Variants in RBPJ observed in about 807,000 individuals in gnomAD.
RBPJ encodes the protein recombination signal binding protein for immunoglobulin kappa J region.
In RBPJ, 9 loss-of-function variants were observed where a neutral mutation model predicts 67.8. The observed-to-expected ratio is 0.13, with a 90% confidence interval of 0.08 to 0.23. RBPJ has a LOEUF of 0.23. Ranked by LOEUF, RBPJ falls within the 10% of genes least tolerant of loss-of-function variation. RBPJ has a pLI of 1.00. For synonymous variants in RBPJ, 198 were observed against 203.3 expected (o/e 0.97, Z 0.22); for missense variants, 305 against 595.6 (o/e 0.51, Z 5.08).
intron 1 of RBPJ, among the ~76,000 whole-genome samples, chr4:26,190,822 G>A (rs6817712): frequency 0.79 from 120,242 of 151,844 alleles, 48,322 homozygotes; most frequent in African/African-American, 0.92. Context: ...TTGCAGATCA[G>A]TTTCTTGAGA....
chr4:26,289,078 T>C (rs912978572), intron 1 of RBPJ, among the ~76,000 whole-genome samples: 1 of 150,774 alleles, frequency 6.6e-6, no homozygotes, highest in Non-Finnish European at 1.5e-5. Context: ...CTTGAAGCAG[T>C]TTACAAATAA....
At chr4:26,307,608 T>TA (rs1722280557) in intron 1 of RBPJ, among the ~76,000 whole-genome samples, 1 of 152,196 alleles carries the variant, frequency 6.6e-6, no homozygotes, top group Admixed American at 6.5e-5. Flanking sequence ...TGGAGAACTT[T>TA]AGGCTTGAGA....
chr4:26,306,776 G>A (rs994981088), intron 1 of RBPJ, among the ~76,000 whole-genome samples: 7 of 151,948 alleles, frequency 4.6e-5, no homozygotes, highest in Non-Finnish European at 7.4e-5. Flanking sequence ...TAATAAATGT[G>A]TCAGAAAATT....
At chr4:26,117,042 G>A in the RBPJ span, among the ~76,000 whole-genome samples, 1 of 152,196 alleles carries the variant, frequency 6.6e-6, no homozygotes, top group Non-Finnish European at 1.5e-5. Context: ...CCATTCAGAG[G>A]AAAAGTCATA....
chr4:26,317,712 T>A (rs932722483), upstream of RBPJ, among the ~76,000 whole-genome samples: 1 of 152,278 alleles, frequency 6.6e-6, no homozygotes, highest in Admixed American at 6.5e-5. Flanking sequence ...GTGGAGCCAA[T>A]AGGATTTTCC....
chr4:26,261,746 C>T (rs1720545798), intron 1 of RBPJ, among the ~76,000 whole-genome samples: 1 of 152,168 alleles, frequency 6.6e-6, no homozygotes, highest in African/African-American at 2.4e-5. Flanking sequence ...TCTATCAGGA[C>T]TAGTTATGTG....
chr4:26,250,493 G>A (rs947296489), intron 1 of RBPJ, among the ~76,000 whole-genome samples: 37 of 151,964 alleles, frequency 2.4e-4, no homozygotes, highest in Admixed American at 1.6e-3. Context: ...CACCATGCCC[G>A]GCTAATTTTT....
At chr4:26,128,043 G>A in the RBPJ span, among the ~76,000 whole-genome samples, 1 of 152,232 alleles carries the variant, frequency 6.6e-6, no homozygotes, top group African/African-American at 2.4e-5. Context: ...CCCTGCAAGA[G>A]ATGGCATGGC....
In RBPJ at chr4:26,375,615, G is replaced by A. The variant is rs1455063935; in HGVS notation, c.21-10738G>A. Among the ~76,000 whole-genome samples the A allele has an allele frequency of 1.2e-4, 19 of 152,212 alleles. 1 individual carries two copies. Among genetic ancestry groups the A allele is most frequent in the Non-Finnish European group, 2.8e-4 (19 of 68,044 alleles). ...AATTTCACTACTTAAACAATTTGAA[G>A]TGAGGGTGAGAAATAAGAGAGAAAA... On this transcript the variant is annotated intron_variant, in intron 1 of 10. Transcript: ENST00000355476.
intron 1 of RBPJ, among the ~76,000 whole-genome samples, chr4:26,352,850 C>T (rs571809786): frequency 3.8e-4 from 58 of 152,370 alleles, no homozygotes; most frequent in Non-Finnish European, 6.2e-4. Flanking sequence ...TCTGGGAGGA[C>T]ATTGCTTCTT....
intron 1 of RBPJ, among the ~76,000 whole-genome samples, chr4:26,323,153 A>G (rs1028731470): frequency 1.3e-5 from 2 of 152,024 alleles, no homozygotes; most frequent in African/African-American, 4.8e-5. Flanking sequence ...TGATTGATAC[A>G]TAAGTTTTTT....
chr4:26,125,425 T>A, the RBPJ span, among the ~76,000 whole-genome samples: 1 of 152,230 alleles, frequency 6.6e-6, no homozygotes, highest in Admixed American at 6.5e-5. Flanking sequence ...AAAGGCTGTT[T>A]AACCTTTCTT....
At chr4:26,320,753 C>T, upstream of RBPJ, 1 of 1,553,504 alleles carries the variant, frequency 6.4e-7, no homozygotes, top group Non-Finnish European at 8.7e-7. Flanking sequence ...CCGGAGCGCT[C>T]CCCATGGACC....
At chr4:26,347,322 T>G (rs1455614744) in intron 1 of RBPJ, among the ~76,000 whole-genome samples, 3 of 152,106 alleles carry the variant, frequency 2.0e-5, no homozygotes. Context: ...GGGCAATATC[T>G]CTTGGATAGA....
At chr4:26,376,942 G>C (rs920975846) in intron 1 of RBPJ, among the ~76,000 whole-genome samples, 1 of 152,140 alleles carries the variant, frequency 6.6e-6, no homozygotes, top group Non-Finnish European at 1.5e-5. Flanking sequence ...ATCTTCCTTA[G>C]AGAAATGTCT....
upstream of RBPJ, among the ~76,000 whole-genome samples, chr4:26,316,126 A>G (rs534553827): frequency 6.6e-6 from 1 of 152,048 alleles, no homozygotes; most frequent in Non-Finnish European, 1.5e-5. Context: ...TAAGACAGGC[A>G]TAAGAAATTA....
intron 1 of RBPJ, among the ~76,000 whole-genome samples, chr4:26,251,182 C>G (rs1156871020): frequency 6.6e-6 from 1 of 152,188 alleles, no homozygotes; most frequent in Non-Finnish European, 1.5e-5. Context: ...ATTATTGCAA[C>G]TGTCCCAAGT....
intron 1 of RBPJ, among the ~76,000 whole-genome samples, chr4:26,169,112 G>A (rs1403623325): frequency 1.3e-5 from 2 of 152,326 alleles, no homozygotes; most frequent in South Asian, 4.1e-4. Context: ...TGTTGCTGGT[G>A]AGGAACTGCG....
At chr4:26,249,974 C>T (rs992391507) in intron 1 of RBPJ, among the ~76,000 whole-genome samples, 6 of 150,930 alleles carry the variant, frequency 4.0e-5, no homozygotes, top group East Asian at 4.0e-4. Flanking sequence ...TTAGTAGAGA[C>T]GGGGTTTCTC....
Sources: allele counts gnomAD v4.1 joint callset (sites outside exome capture counted in the v4.1 genomes callset), GRCh38; gene constraint gnomAD v4.1.1; transcripts MANE v1.5; gene names NCBI Gene and HGNC (gene_info 2026-07-23, HGNC 2026-07-21).